Variants in CHRM3 observed in about 807,000 individuals in gnomAD.
CHRM3 encodes muscarinic acetylcholine receptor M3.
Under a neutral mutation model 41.8 loss-of-function variants are expected in CHRM3, and 11 were observed. That is an observed-to-expected ratio of 0.26 (90% CI 0.17 to 0.44). CHRM3 has a LOEUF of 0.44. Ranked by LOEUF, CHRM3 falls within the 20% of genes least tolerant of loss-of-function variation. The pLI is 1.00. For missense variants in CHRM3, 571 were observed against 745.4 expected (o/e 0.77, Z 2.72); for synonymous variants, 297 against 301.4 (o/e 0.99, Z 0.15).
chr1:239,518,037 C>T (rs970886301), intron 2 of CHRM3, among the ~76,000 whole-genome samples: 2 of 151,784 alleles, frequency 1.3e-5, no homozygotes, highest in African/African-American at 2.4e-5. Context: ...ACCTGGGAGG[C>T]GGAGGTTGCA....
chr1:239,837,044 C>T (rs1291596279), intron 6 of CHRM3, among the ~76,000 whole-genome samples: 3 of 151,552 alleles, frequency 2.0e-5, no homozygotes, highest in Admixed American at 2.0e-4. Flanking sequence ...ACAGTGTCAG[C>T]ATCCTTTCCT....
intron 6 of CHRM3, among the ~76,000 whole-genome samples, chr1:239,873,347 T>C (rs971099680): frequency 6.6e-6 from 1 of 151,388 alleles, no homozygotes; most frequent in Non-Finnish European, 1.5e-5. Context: ...AACTTTCTCT[T>C]TTTTTTTATT....
At position 239,430,829 on chromosome 1, in the gene CHRM3, T is replaced by C. The variant is rs539618682; in HGVS notation, c.-521+43602T>C. Among the ~76,000 whole-genome samples, 18 of 152,064 alleles carry C rather than the reference T, an allele frequency of 1.2e-4. No individual in the cohort carries two copies. The East Asian group carries it at 2.9e-3, about 25-fold the overall frequency. ...TTGCTTTGGAATGTTGCCTGGTACA[T>C]TGATTTTTCTATAATAGGTGAATTT... On this transcript the variant is annotated intron_variant, in intron 1 of 6. Transcript: ENST00000676153.
intron 5 of CHRM3, among the ~76,000 whole-genome samples, chr1:239,738,108 A>T (rs1664539978): frequency 6.6e-6 from 1 of 152,202 alleles, no homozygotes; most frequent in Non-Finnish European, 1.5e-5. Context: ...AACTTTAAAA[A>T]CGAATATGGG....
chr1:239,623,296 T>A (rs1348921352), intron 3 of CHRM3, among the ~76,000 whole-genome samples: 2 of 126,724 alleles, frequency 1.6e-5, no homozygotes, highest in East Asian at 5.4e-4. Flanking sequence ...CGGGGTGTGA[T>A]GTTCCCCTTC....
rs563503283 is a variant in CHRM3, at chr1:239,512,469, C to T, written c.-422+19662C>T. Among the ~76,000 whole-genome samples the T allele has an allele frequency of 1.2e-4, 19 of 152,304 alleles. No individual in the cohort carries two copies. In the East Asian group the frequency reaches 2.3e-3, roughly 19 times the overall value. ...TCCAGATCCTTTCTCTGACCCCCAT[C>T]TCCTTCTCCTTTGATGACTCTACCA... is the stretch of plus-strand genomic sequence containing the variant. On this transcript the variant is annotated intron_variant, in intron 2 of 6. Transcript: ENST00000676153.
At chr1:239,607,918 T>C (rs1288159680) in intron 3 of CHRM3, among the ~76,000 whole-genome samples, 1 of 152,190 alleles carries the variant, frequency 6.6e-6, no homozygotes, top group Non-Finnish European at 1.5e-5. Context: ...GTGACATAGG[T>C]ATGCATTATT....
rs76272781 is a variant in CHRM3, at chr1:239,644,475, A to G, written c.-250+12189A>G. ...ATGCCTATCCCTTGATCACAAATGT[A>G]TTTGAGTTCCAGGTGCACAATGGGA... On this transcript the variant is annotated intron_variant, in intron 4 of 6. Transcript: ENST00000676153. Among the ~76,000 whole-genome samples, 884 of 152,266 alleles carry G rather than the reference A, an allele frequency of 5.8e-3. 12 individuals are homozygous for G. Among genetic ancestry groups the G allele is most frequent in the African/African-American group, 0.02 (830 of 41,556 alleles).
intron 4 of CHRM3, among the ~76,000 whole-genome samples, chr1:239,666,403 G>A (rs186270752): frequency 6.6e-6 from 1 of 152,018 alleles, no homozygotes; most frequent in African/African-American, 2.4e-5. Context: ...TGTTGGCCAG[G>A]CTAGTCTCGA....
At chr1:239,804,480 C>T (rs776865898) in intron 5 of CHRM3, among the ~76,000 whole-genome samples, 9 of 152,066 alleles carry the variant, frequency 5.9e-5, no homozygotes, top group Admixed American at 1.3e-4. Context: ...ACATTGTTTC[C>T]GCTCTGTGTA....
intron 1 of CHRM3, among the ~76,000 whole-genome samples, chr1:239,428,632 G>A (rs1333146856): frequency 5.3e-5 from 8 of 152,122 alleles, no homozygotes; most frequent in Admixed American, 3.9e-4. Context: ...TTTTTTCATC[G>A]TGTACTGTTT....
chr1:239,517,160 G>A (rs183236446), intron 2 of CHRM3, among the ~76,000 whole-genome samples: 48 of 152,222 alleles, frequency 3.2e-4, no homozygotes, highest in Non-Finnish European at 5.7e-4. Flanking sequence ...CCATGAAATC[G>A]ATCCCTGGTG....
intron 2 of CHRM3, among the ~76,000 whole-genome samples, chr1:239,521,610 A>G (rs1572584214): frequency 6.6e-6 from 1 of 152,202 alleles, no homozygotes; most frequent in South Asian, 2.1e-4. Flanking sequence ...CTAAGTTGTC[A>G]AAAGACTTCT....
chr1:239,700,275 C>T (rs1297110083), intron 5 of CHRM3, among the ~76,000 whole-genome samples: 1 of 152,168 alleles, frequency 6.6e-6, no homozygotes, highest in Non-Finnish European at 1.5e-5. Context: ...ATCAACCTCA[C>T]ATCCCATCTA....
intron 2 of CHRM3, among the ~76,000 whole-genome samples, chr1:239,504,609 G>A (rs1333979417): frequency 1.3e-5 from 2 of 152,172 alleles, no homozygotes; most frequent in Admixed American, 1.3e-4. Context: ...AGAGATACTT[G>A]CACACATGTT....
In CHRM3 at chr1:239,480,543, A is replaced by ATTTTGTTTTTTTTTTTT; in HGVS notation, c.-520-12162_-520-12161insGTTTTTTTTTTTTTTTT. Among the ~76,000 whole-genome samples, 2 of 110,718 alleles carry ATTTTGTTTTTTTTTTTT rather than the reference A, an allele frequency of 1.8e-5. 1 individual carries two copies. 72.6% of individuals were successfully genotyped at this position (110,718 alleles called of 152,430 possible). A position where few individuals can be genotyped will look rare whatever the true frequency, so the allele number is the denominator to read the frequency against. On this transcript the variant is annotated intron_variant, in intron 1 of 6. Coordinates refer to ENST00000676153, the MANE Select transcript of CHRM3 (RefSeq NM_001375978.1). ...ACTCAGGTAATCCTACGATAGCCCA[A>ATTTTGTTTTTTTTTTTT]TTTTTTTTTTTTTTTTTTTTTTTTT...
intron 5 of CHRM3, among the ~76,000 whole-genome samples, chr1:239,802,602 T>C (rs1026183551): frequency 2.4e-4 from 37 of 152,152 alleles, no homozygotes; most frequent in African/African-American, 8.0e-4. Context: ...TATTTAGTTT[T>C]GTTTTTGTTT....
chr1:239,686,104 A>G (rs780545149), intron 5 of CHRM3, among the ~76,000 whole-genome samples: 8 of 152,192 alleles, frequency 5.3e-5, no homozygotes, highest in Non-Finnish European at 1.2e-4. Flanking sequence ...AGTCTCCTTC[A>G]TGATCTTTCT....
chr1:239,640,041 GT>G (rs1670932534), intron 4 of CHRM3, among the ~76,000 whole-genome samples: 1 of 151,970 alleles, frequency 6.6e-6, no homozygotes, highest in Non-Finnish European at 1.5e-5. Context: ...TTTGTCTTTG[GT>G]TTCTGTTTAT....
Sources: gnomAD v4.1 joint callset for allele counts (sites outside exome capture counted in the v4.1 genomes callset) on GRCh38, gnomAD v4.1.1 for gene constraint, MANE v1.5 for transcripts, NCBI Gene and HGNC (gene_info 2026-07-23, HGNC 2026-07-21) for gene names.